MYH15: variants seen among roughly 807,000 people sequenced by gnomAD.
MYH15 encodes myosin-15.
A neutral mutation model predicts 240.5 loss-of-function variants in MYH15; 227 were observed. The ratio of observed to expected loss-of-function variants is 0.94; its 90% CI spans 0.85 to 1.05. The LOEUF (loss-of-function observed/expected upper bound fraction) is 1.05, where lower values mean the gene tolerates loss of function less well. Among genes scored for constraint, MYH15 ranks in the 50% least tolerant of loss-of-function variants. MYH15 has a pLI of 0.00. For synonymous variants in MYH15, 785 were observed against 796.7 expected (o/e 0.99, Z 0.25); for missense variants, 2,217 against 2,247.5 (o/e 0.99, Z 0.27).
At chr3:108,451,509 T>C (rs1401227028) in intron 21 of MYH15, among the ~76,000 whole-genome samples, 1 of 152,142 alleles carries the variant, frequency 6.6e-6, no homozygotes, top group African/African-American at 2.4e-5. Context: ...TCATTAGACA[T>C]GTAACCAATA....
At chr3:108,511,486 T>C (rs565954029), upstream of MYH15, among the ~76,000 whole-genome samples, 21 of 152,200 alleles carry the variant, frequency 1.4e-4, no homozygotes, top group South Asian at 4.1e-4. Flanking sequence ...CTGAAGTCAC[T>C]GAGCACCCAC....
At chr3:108,536,867 T>C in the MYH15 span, among the ~76,000 whole-genome samples, 1 of 152,214 alleles carries the variant, frequency 6.6e-6, no homozygotes, top group East Asian at 1.9e-4. Flanking sequence ...GACTCTCCTA[T>C]CAAAGAACAC....
At chr3:108,451,725 G>A (rs897871541) in intron 21 of MYH15, among the ~76,000 whole-genome samples, 1 of 151,952 alleles carries the variant, frequency 6.6e-6, no homozygotes, top group Non-Finnish European at 1.5e-5. Context: ...AAAATTACAG[G>A]CCAATCTTAT....
intron 37 of MYH15, among the ~76,000 whole-genome samples, chr3:108,391,448 G>A (rs1425886651): frequency 2.6e-5 from 4 of 152,172 alleles, no homozygotes; most frequent in African/African-American, 9.7e-5. Context: ...TGCCAGGGGT[G>A]TGTTTGGAAA....
intron 38 of MYH15, 92 bp from the exon 39 acceptor site, chr3:108,384,874 A>T: frequency 9.6e-7 from 1 of 1,043,750 alleles, no homozygotes; most frequent in Non-Finnish European, 1.4e-6. Flanking sequence ...GGATCAGGGA[A>T]CTTTATTAAA....
chr3:108,476,897 G>A (rs13089240), intron 11 of MYH15, among the ~76,000 whole-genome samples: 10,765 of 152,182 alleles, frequency 0.071, 555 homozygotes, highest in Non-Finnish European at 0.11. Flanking sequence ...TGTATTTGCC[G>A]TGAGAAACAG....
At chr3:108,545,420 T>C in the MYH15 span, among the ~76,000 whole-genome samples, 14 of 152,270 alleles carry the variant, frequency 9.2e-5, no homozygotes, top group South Asian at 6.2e-4. Flanking sequence ...AAAAGGGAGA[T>C]AAACCATTAT....
Position 108,408,396 on chromosome 3 carries a change from A to C in MYH15, c.4504T>G (p.Ser1502Ala). The C allele has an allele frequency of 6.2e-7, 1 of 1,610,360 alleles. No individual in the cohort carries two copies. Among genetic ancestry groups the C allele is most frequent in the Non-Finnish European group, 8.5e-7 (1 of 1,179,222 alleles). Residue 1502 changes from serine to alanine, a missense_variant, in exon 32 of 41, where the codon TCT (serine) becomes GCT (alanine). Physicochemically the swap from Ser to Ala is moderately conservative, Grantham distance 99. Coordinates refer to ENST00000693548, the MANE Select transcript of MYH15 (RefSeq NM_014981.3). ...TCTCTAACCTGGTTTGTCAGATTAG[A>C]AATCTCTTCTGGAGACAGAGGTAAG... ...RENKNLQEEI[S>A]NLTNQVREGT...
chr3:108,417,025 T>A, intron 28 of MYH15, 95 bp from the exon 29 acceptor site: 1 of 889,686 alleles, frequency 1.1e-6, no homozygotes, highest in Non-Finnish European at 1.8e-6. Context: ...CCAGAATGAC[T>A]CCTACCCACA....
intron 1 of MYH15, among the ~76,000 whole-genome samples, chr3:108,507,384 T>G (rs1180439105): frequency 6.6e-6 from 1 of 151,402 alleles, no homozygotes; most frequent in East Asian, 1.9e-4. Flanking sequence ...TGTTAGCCAA[T>G]GGCTAGGGAA....
intron 12 of MYH15, among the ~76,000 whole-genome samples, chr3:108,471,192 T>C (rs1285129476): frequency 6.6e-6 from 1 of 151,802 alleles, no homozygotes; most frequent in African/African-American, 2.4e-5. Context: ...TGGTGCCTCT[T>C]TATGAAAACA....
chr3:108,534,168 A>G (rs2083731256), upstream of MYH15, among the ~76,000 whole-genome samples: 1 of 152,252 alleles, frequency 6.6e-6, no homozygotes, highest in Non-Finnish European at 1.5e-5. Flanking sequence ...GCTCAGAAAC[A>G]GAATTCTAAT....
chr3:108,457,024 C>G, intron 18 of MYH15, 141 bp from the exon 19 acceptor site: 1 of 612,648 alleles, frequency 1.6e-6, no homozygotes, highest in Non-Finnish European at 2.9e-6. Context: ...GATGTTCACT[C>G]ACTTATGGCC....
chr3:108,543,672 T>A, the MYH15 span: 1 of 152,428 alleles, frequency 6.6e-6, no homozygotes. Flanking sequence ...TGCTAGCTTA[T>A]ACTTTGGTGT....
intron 21 of MYH15, among the ~76,000 whole-genome samples, chr3:108,448,951 A>T (rs889633158): frequency 6.6e-6 from 1 of 152,014 alleles, no homozygotes; most frequent in East Asian, 1.9e-4. Flanking sequence ...TAACATTTCT[A>T]TATACTAACA....
chr3:108,394,352 T>C (rs2082443501), intron 35 of MYH15, among the ~76,000 whole-genome samples, 196 bp from the exon 36 acceptor site: 1 of 152,094 alleles, frequency 6.6e-6, no homozygotes, highest in African/African-American at 2.4e-5. Flanking sequence ...ATTTCACCCA[T>C]TAGAAGTTCA....
At chr3:108,393,914 C>G (rs959871048) in intron 36 of MYH15, 117 bp downstream of exon 36, 4 of 1,484,140 alleles carry the variant, frequency 2.7e-6, no homozygotes, top group South Asian at 1.2e-5. Flanking sequence ...CTAACCTCCC[C>G]CTGGCTGTAT....
intron 1 of MYH15, among the ~76,000 whole-genome samples, chr3:108,524,833 T>C (rs1183740419): frequency 6.6e-6 from 1 of 152,060 alleles, no homozygotes; most frequent in East Asian, 1.9e-4. Flanking sequence ...ATCAGGTTTC[T>C]TCTGTCTTGA....
At position 108,417,796 on chromosome 3, in the gene MYH15, TACACACAC is replaced by T. The variant is rs34957697; in HGVS notation, c.3830-874_3830-867del. Among the ~76,000 whole-genome samples the T allele has an allele frequency of 5.9e-3, 870 of 147,022 alleles. 7 individuals carry two copies. The highest frequency in any genetic ancestry group is 0.016 in the African/African-American group (632 of 39,354). On this transcript the variant is annotated intron_variant, in intron 28 of 40. Coordinates refer to ENST00000693548, the MANE Select transcript of MYH15 (RefSeq NM_014981.3). ...ACACGTACAGGTATGTATATATATA[TACACACAC>T]ACACACACACACACACACACACATA... is the stretch of plus-strand genomic sequence containing the variant.
Sources: gnomAD v4.1 joint callset for allele counts (sites outside exome capture counted in the v4.1 genomes callset) on GRCh38, gnomAD v4.1.1 for gene constraint, MANE v1.5 for transcripts, NCBI Gene and HGNC (gene_info 2026-07-23, HGNC 2026-07-21) for gene names.